ANAPC4: variants seen among roughly 807,000 people sequenced by gnomAD.
ANAPC4 encodes anaphase-promoting complex subunit 4.
ANAPC4 carries 63 observed loss-of-function variants against 119.8 expected under a neutral mutation model. That is an observed-to-expected ratio of 0.53 (90% CI 0.43 to 0.65). The LOEUF is 0.65. Among genes scored for constraint, ANAPC4 ranks in the 30% least tolerant of loss-of-function variants. ANAPC4 has a pLI of 0.00. For synonymous variants in ANAPC4, 283 were observed against 318.6 expected, an observed-to-expected ratio of 0.89 and a Z score of 1.19; for missense variants, 716 against 945.1, an observed-to-expected ratio of 0.76 and a Z score of 3.18.
chr4:25,409,318 A>G (rs28570579), intron 20 of ANAPC4, among the ~76,000 whole-genome samples: 61,801 of 152,144 alleles, frequency 0.41, 14,599 homozygotes, highest in Non-Finnish European at 0.52. Flanking sequence ...TCGATTTGTG[A>G]TCTCTACATC....
chr4:25,388,958 GCAAATCCTTTATTTGC>G, intron 7 of ANAPC4, 76 bp downstream of exon 7: 1 of 1,224,618 alleles, frequency 8.2e-7, no homozygotes, highest in East Asian at 2.4e-5. Context: ...AGCTTTAAGA[GCAAATCCTTTATTTGC>G]CATTTTATTT....
At chr4:25,378,159 T>C (rs1302281037) in intron 2 of ANAPC4, among the ~76,000 whole-genome samples, 1 of 152,212 alleles carries the variant, frequency 6.6e-6, no homozygotes. Context: ...TGCATGGGTG[T>C]TATCAGCATT....
At chr4:25,394,966 T>C (rs752557664) in intron 14 of ANAPC4, 61 bp downstream of exon 14, 104 of 1,275,406 alleles carry the variant, frequency 8.2e-5, no homozygotes, top group Non-Finnish European at 1.1e-4. Context: ...GTTGGCCTTC[T>C]TTCCGCCGCC....
chr4:25,394,419 A>G, intron 12 of ANAPC4, 45 bp downstream of exon 12: 3 of 1,483,502 alleles, frequency 2.0e-6, no homozygotes, highest in Non-Finnish European at 2.7e-6. Flanking sequence ...TTCTTTTTTA[A>G]CAGTAATTAT....
intron 16 of ANAPC4, among the ~76,000 whole-genome samples, chr4:25,399,323 T>C (rs919242492): frequency 6.6e-6 from 1 of 152,206 alleles, no homozygotes; most frequent in Admixed American, 6.5e-5. Context: ...AAGATGCAGT[T>C]CGGGATCACG....
At chr4:25,409,864 A>C in intron 21 of ANAPC4, 73 bp downstream of exon 21, 1 of 1,067,636 alleles carries the variant, frequency 9.4e-7, no homozygotes, top group East Asian at 2.4e-5. Flanking sequence ...AGTTCTGCTA[A>C]CAGTTTTGCT....
In ANAPC4 at chr4:25,418,332, C is replaced by T. The variant is rs779503444; in HGVS notation, c.2377C>T (p.Pro793Ser). The T allele has an allele frequency of 6.2e-7, 1 of 1,613,996 alleles. No individual in the cohort carries two copies. Among genetic ancestry groups the T allele is most frequent in the South Asian group, 1.1e-5 (1 of 91,068 alleles). ...ACAAGCTGGTGCTGCCGCTTTAGCT[C>T]CAGAGATAGTCATTAAAGTGGAAAA... The part of the protein sequence containing the change: ...NQQAGAAALA[P>S]EIVIKVEKLD... Residue 793 changes from proline to serine, a missense_variant, in exon 29 of 29, where the codon CCA (proline) becomes TCA (serine). Pro to Ser is a moderately conservative substitution (Grantham distance 74, BLOSUM62 -1). Around this residue, in one of 3 missense-constraint regions of ANAPC4, gnomAD observed 504 missense variants for 615.8 expected, o/e 0.82. Coordinates refer to ENST00000315368, the MANE Select transcript of ANAPC4 (RefSeq NM_013367.3).
intron 22 of ANAPC4, 135 bp from the exon 23 acceptor site, chr4:25,414,189 G>A (rs1187671083): frequency 2.6e-5 from 15 of 585,030 alleles, no homozygotes; most frequent in South Asian, 2.2e-4. Context: ...TGTCATTAAC[G>A]TTTCTTATGT....
intron 3 of ANAPC4, 62 bp from the exon 4 acceptor site, chr4:25,383,199 A>C: frequency 1.4e-6 from 2 of 1,441,008 alleles, no homozygotes; most frequent in Non-Finnish European, 1.8e-6. Context: ...AATAAGGGAA[A>C]TACCCATTTA....
chr4:25,389,539 C>T (rs1481346087), intron 7 of ANAPC4, among the ~76,000 whole-genome samples: 8 of 152,182 alleles, frequency 5.3e-5, no homozygotes, highest in East Asian at 3.9e-4. Flanking sequence ...ATGATCCACC[C>T]GCCTTGGCCT....
chr4:25,403,268 T>A (rs1197759172), intron 17 of ANAPC4, among the ~76,000 whole-genome samples: 1 of 152,074 alleles, frequency 6.6e-6, no homozygotes, highest in East Asian at 1.9e-4. Flanking sequence ...TTAATAAATA[T>A]ACATATTTTT....
At chr4:25,390,060 A>G (rs1277731009) in intron 7 of ANAPC4, 76 bp from the exon 8 acceptor site, 4 of 1,043,794 alleles carry the variant, frequency 3.8e-6, no homozygotes, top group African/African-American at 1.6e-5. Context: ...AGCAGTAATA[A>G]TTTATATCTC....
At chr4:25,397,142 A>G (rs947405188) in intron 16 of ANAPC4, among the ~76,000 whole-genome samples, 2 of 152,170 alleles carry the variant, frequency 1.3e-5, no homozygotes, top group Non-Finnish European at 2.9e-5. Context: ...TAACTCTTTA[A>G]CTACTTCTAT....
chr4:25,407,010 G>C (rs1723286417), intron 19 of ANAPC4, 125 bp downstream of exon 19: 2 of 896,322 alleles, frequency 2.2e-6, no homozygotes, highest in Non-Finnish European at 3.4e-6. Context: ...TTTTAAAACT[G>C]TTGAACTAAT....
At chr4:25,410,397 G>T (rs758010862) in intron 21 of ANAPC4, among the ~76,000 whole-genome samples, 3 of 152,212 alleles carry the variant, frequency 2.0e-5, no homozygotes, top group Non-Finnish European at 2.9e-5. Context: ...CAATTGCTTA[G>T]ATCTTTAAGG....
intron 28 of ANAPC4, 152 bp from the exon 29 acceptor site, chr4:25,418,003 A>C (rs1723976630): frequency 4.4e-6 from 4 of 900,334 alleles, no homozygotes; most frequent in Non-Finnish European, 4.9e-6. Flanking sequence ...TTTTTATACA[A>C]AATGAAGGCT....
chr4:25,410,976 A>G (rs1189110742), intron 21 of ANAPC4, among the ~76,000 whole-genome samples: 1 of 147,946 alleles, frequency 6.8e-6, no homozygotes, highest in African/African-American at 2.5e-5. Context: ...AATTTCTGCC[A>G]CTTGTATTTG....
rs193137889 is a variant in ANAPC4 at position 25,405,355 on chromosome 4, T to C, written c.1271-218T>C. On this transcript the variant is annotated intron_variant, in intron 17 of 28. Transcript: ENST00000315368. This position sits in a 1 kb window ranked among gnomAD's most constrained non-coding sequence, Gnocchi z 4.6. ...GAATTGAAGAGGAAAAAGAATAGTT[T>C]AGAATGGTTAGACCAACAATTTTGA... is the stretch of plus-strand genomic sequence containing the variant. 3.4e-4 allele frequency among the ~76,000 whole-genome samples: 51 copies of C among 152,162 alleles called. No individual in the cohort carries two copies. The highest frequency in any genetic ancestry group is 1.2e-3 in the African/African-American group (50 of 41,510).
At chr4:25,394,442 T>C (rs1722525563) in intron 12 of ANAPC4, 68 bp downstream of exon 12, 21 of 1,349,748 alleles carry the variant, frequency 1.6e-5, no homozygotes, top group Non-Finnish European at 2.0e-5. Flanking sequence ...ATTTGAAAAG[T>C]AGTTTATAGT....
Sources: gnomAD v4.1 joint callset for allele counts (sites outside exome capture counted in the v4.1 genomes callset) on GRCh38, gnomAD v4.1.1 for gene constraint, gnomAD v4.1.1 regional missense constraint, Gnocchi (gnomAD v3.1) non-coding constraint, MANE v1.5 for transcripts, NCBI Gene and HGNC (gene_info 2026-07-23, HGNC 2026-07-21) for gene names.